CHLSN: variants seen among roughly 807,000 people sequenced by gnomAD.
CHLSN encodes the protein cholesin.
the CHLSN span, among the ~76,000 whole-genome samples, chr7:1,022,586 C>T: frequency 1.3e-5 from 2 of 152,198 alleles, no homozygotes; most frequent in Admixed American, 6.5e-5. Flanking sequence ...CGGCAACCCT[C>T]GCAGAGTAGC....
the CHLSN span, among the ~76,000 whole-genome samples, chr7:978,510 C>CAGATGGACAGGG: frequency 6.6e-6 from 1 of 152,112 alleles, no homozygotes; most frequent in Admixed American, 6.5e-5. Context: ...AAAAGTGAGA[C>CAGATGGACAGGG]CTTGTCTACA....
At chr7:1,061,124 C>A in the CHLSN span, among the ~76,000 whole-genome samples, 1 of 152,186 alleles carries the variant, frequency 6.6e-6, no homozygotes, top group Non-Finnish European at 1.5e-5. Flanking sequence ...ATCCAACTAT[C>A]CTCCCCAAAG....
the CHLSN span, among the ~76,000 whole-genome samples, chr7:1,027,196 G>A: frequency 3.5e-4 from 54 of 152,348 alleles, no homozygotes; most frequent in African/African-American, 1.3e-3. Context: ...GTACGGGTTA[G>A]GTTTTCTCAC....
chr7:1,030,878 G>C, the CHLSN span, among the ~76,000 whole-genome samples: 1 of 152,182 alleles, frequency 6.6e-6, no homozygotes, highest in Non-Finnish European at 1.5e-5. Context: ...CCAACACAGA[G>C]CAGCAGGTGC....
the CHLSN span, chr7:985,015 A>T: frequency 6.2e-7 from 1 of 1,611,974 alleles, no homozygotes; most frequent in Non-Finnish European, 8.5e-7. Context: ...TGCCCTGCAC[A>T]GCCTGGGCGT....
At chr7:1,042,319 C>T in the CHLSN span, among the ~76,000 whole-genome samples, 1 of 152,234 alleles carries the variant, frequency 6.6e-6, no homozygotes, top group Non-Finnish European at 1.5e-5. Flanking sequence ...GGGGAGGCCA[C>T]GTCCACGTGA....
At chr7:1,057,747 GC>G in the CHLSN span, 1 of 775,572 alleles carries the variant, frequency 1.3e-6, no homozygotes. Context: ...GGTGCTCAGC[GC>G]CCTGGCCCCT....
chr7:1,003,018 T>G, the CHLSN span, among the ~76,000 whole-genome samples: 1 of 23,120 alleles, frequency 4.3e-5, no homozygotes, highest in Non-Finnish European at 8.0e-5. Flanking sequence ...TGTGGGTGAG[T>G]GGAGTCCTGC....
the CHLSN span, among the ~76,000 whole-genome samples, chr7:1,066,042 C>G: frequency 6.6e-6 from 1 of 152,224 alleles, no homozygotes; most frequent in African/African-American, 2.4e-5. Flanking sequence ...GCGCGGCCGG[C>G]ACGGATGCCT....
At chr7:1,131,194 A>G in the CHLSN span, among the ~76,000 whole-genome samples, 3 of 15,792 alleles carry the variant, frequency 1.9e-4, no homozygotes, top group African/African-American at 1.7e-3. Flanking sequence ...TTGTGTTTAA[A>G]AAAAAAAAAA....
At chr7:1,027,963 G>C in the CHLSN span, among the ~76,000 whole-genome samples, 1 of 152,156 alleles carries the variant, frequency 6.6e-6, no homozygotes, top group African/African-American at 2.4e-5. Context: ...AGTGCCTGCA[G>C]GGCCTGGACC....
chr7:1,094,222 C>T, the CHLSN span, among the ~76,000 whole-genome samples: 125 of 152,342 alleles, frequency 8.2e-4, no homozygotes, highest in Non-Finnish European at 1.6e-3. Context: ...GGGGCTGGAT[C>T]CTGGCGCTGC....
At chr7:1,003,034 G>GGT in the CHLSN span, among the ~76,000 whole-genome samples, 1 of 34,300 alleles carries the variant, frequency 2.9e-5, no homozygotes. Context: ...CCTGCGGGTG[G>GGT]GGAGTCCTGT....
the CHLSN span, among the ~76,000 whole-genome samples, chr7:1,110,027 G>A: frequency 5.9e-5 from 9 of 152,200 alleles, no homozygotes; most frequent in Middle Eastern, 3.4e-3. Flanking sequence ...CACCAATGCC[G>A]GCACCTTCTC....
the CHLSN span, chr7:983,443 C>G: frequency 7.3e-7 from 1 of 1,368,988 alleles, no homozygotes. Context: ...GTCCTGGCCC[C>G]CCTCCTGGGG....
chr7:989,899 T>C, the CHLSN span, among the ~76,000 whole-genome samples: 26 of 135,506 alleles, frequency 1.9e-4, no homozygotes, highest in African/African-American at 6.8e-4. Context: ...GAGTGGCGCG[T>C]GTGCTGGTGG....
chr7:1,136,631 T>C, the CHLSN span, among the ~76,000 whole-genome samples: 11 of 145,184 alleles, frequency 7.6e-5, no homozygotes, highest in Admixed American at 4.2e-4. Context: ...TAAAAATAAA[T>C]ATATATATGC....
chr7:1,005,014 G>A, the CHLSN span, among the ~76,000 whole-genome samples: 1 of 152,246 alleles, frequency 6.6e-6, no homozygotes, highest in African/African-American at 2.4e-5. Context: ...AGCAGGGGCG[G>A]CTGGGAACAG....
chr7:1,051,782 T>C, the CHLSN span, among the ~76,000 whole-genome samples: 1 of 152,216 alleles, frequency 6.6e-6, no homozygotes, highest in African/African-American at 2.4e-5. Flanking sequence ...GAGACTAGCC[T>C]GGGCAACATA....
Sources: gnomAD v4.1 joint callset for allele counts (sites outside exome capture counted in the v4.1 genomes callset) on GRCh38, gnomAD v4.1.1 for gene constraint, MANE v1.5 for transcripts, NCBI Gene and HGNC (gene_info 2026-07-23, HGNC 2026-07-21) for gene names.